Variants in ANKS1B observed in about 807,000 individuals in gnomAD.
ANKS1B encodes the protein ankyrin repeat and sterile alpha motif domain-containing protein 1B.
A neutral mutation model predicts 148.3 loss-of-function variants in ANKS1B; 36 were observed. The observed-to-expected ratio is 0.24, with a 90% CI of 0.19 to 0.32. ANKS1B has a LOEUF of 0.32. ANKS1B is among the 10% of genes least tolerant of loss of function. The probability of loss-of-function intolerance (pLI) is 1.00; values close to 1 mark genes in which losing one functional copy is unlikely to be tolerated. For synonymous variants in ANKS1B, 542 were observed against 560.8 expected, an observed-to-expected ratio of 0.97 and a Z score of 0.47; for missense variants, 1,157 against 1,542.6, an observed-to-expected ratio of 0.75 and a Z score of 4.19.
chr12:99,873,573 C>G (rs1224789001), intron 1 of ANKS1B, among the ~76,000 whole-genome samples: 1 of 152,156 alleles, frequency 6.6e-6, no homozygotes, highest in Non-Finnish European at 1.5e-5. Context: ...TATTCTGAGT[C>G]TTCTCTTCTC....
intron 12 of ANKS1B, among the ~76,000 whole-genome samples, chr12:99,382,831 G>A (rs2093698211): frequency 6.6e-6 from 1 of 151,632 alleles, no homozygotes; most frequent in Non-Finnish European, 1.5e-5. Flanking sequence ...TGTTCCAACT[G>A]ATTTTGATAC....
chr12:99,299,538 T>C (rs1173233431), intron 12 of ANKS1B, among the ~76,000 whole-genome samples: 1 of 152,208 alleles, frequency 6.6e-6, no homozygotes, highest in African/African-American at 2.4e-5. Context: ...ACAAATATAA[T>C]CACTTTTAAA....
intron 17 of ANKS1B, among the ~76,000 whole-genome samples, chr12:98,964,334 C>T (rs746612007): frequency 3.3e-5 from 5 of 152,164 alleles, no homozygotes; most frequent in South Asian, 2.1e-4. Context: ...AGGGAACTCT[C>T]GTACACTGTT....
intron 12 of ANKS1B, among the ~76,000 whole-genome samples, chr12:99,367,803 TG>T (rs1313476496): frequency 3.6e-5 from 5 of 137,848 alleles, no homozygotes; most frequent in African/African-American, 1.5e-4. Flanking sequence ...TGTGTGTGTG[TG>T]TGTTGTAAAA....
intron 17 of ANKS1B, among the ~76,000 whole-genome samples, chr12:98,881,439 T>C (rs2099707868): frequency 6.6e-6 from 1 of 152,202 alleles, no homozygotes; most frequent in Non-Finnish European, 1.5e-5. Flanking sequence ...CTTCCTGGTA[T>C]GCTGACTTGT....
intron 16 of ANKS1B, chr12:99,083,807 G>C (rs2050670239): frequency 6.6e-6 from 1 of 152,048 alleles, no homozygotes; most frequent in Admixed American, 6.6e-5. Flanking sequence ...GGGGCCTCCT[G>C]AAATGCCTTT....
rs978496096 is a variant in ANKS1B, at chr12:99,354,961, G to C, written c.1756+44670C>G. On this transcript the variant is annotated intron_variant, in intron 12 of 26. Transcript: ENST00000683438. ...AGCTTCTTTACAGAAAAAACACAAA[G>C]GCATTATAATGATGTGTGATGTCAA... 7.9e-5 allele frequency among the ~76,000 whole-genome samples: 12 copies of C among 152,002 alleles called. No individual in the cohort carries two copies. In the South Asian group the frequency reaches 1.0e-3, roughly 13 times the overall value.
At chr12:99,336,483 A>G (rs1039233799) in intron 12 of ANKS1B, among the ~76,000 whole-genome samples, 2 of 151,984 alleles carry the variant, frequency 1.3e-5, no homozygotes, top group Non-Finnish European at 2.9e-5. Context: ...ATTTTCTTGT[A>G]GTAGTTTCAT....
At chr12:99,061,879 C>T (rs986532151) in intron 16 of ANKS1B, among the ~76,000 whole-genome samples, 31 of 152,196 alleles carry the variant, frequency 2.0e-4, no homozygotes, top group African/African-American at 7.2e-4. Context: ...TGGCATTTCT[C>T]TGTCAATCAC....
intron 8 of ANKS1B, among the ~76,000 whole-genome samples, chr12:99,670,560 T>G (rs1370231367): frequency 6.6e-6 from 1 of 151,998 alleles, no homozygotes; most frequent in Non-Finnish European, 1.5e-5. Flanking sequence ...AACTCTAGGA[T>G]GAGGGAAGAA....
At chr12:99,345,822 G>A (rs748735456) in intron 12 of ANKS1B, among the ~76,000 whole-genome samples, 1 of 151,950 alleles carries the variant, frequency 6.6e-6, no homozygotes, top group Non-Finnish European at 1.5e-5. Flanking sequence ...GCCAAATGCT[G>A]TGGTTGGTAC....
intron 8 of ANKS1B, among the ~76,000 whole-genome samples, chr12:99,692,277 G>A (rs934643550): frequency 3.3e-5 from 5 of 152,138 alleles, no homozygotes; most frequent in African/African-American, 4.8e-5. Flanking sequence ...ATTGAAGAAG[G>A]CTGGGATAGT....
chr12:99,597,258 G>GAGAA (rs1296006274), intron 9 of ANKS1B, among the ~76,000 whole-genome samples: 3 of 151,600 alleles, frequency 2.0e-5, no homozygotes, highest in Non-Finnish European at 4.4e-5. Flanking sequence ...GAGGGAGAGA[G>GAGAA]AGAGAGAGAG....
rs77343355 is a variant in ANKS1B at position 99,391,098 on chromosome 12, G to A, written c.1756+8533C>T. 5.0e-4 allele frequency among the ~76,000 whole-genome samples: 76 copies of A among 152,050 alleles called. 1 individual carries two copies. The East Asian group carries it at 0.014, about 27-fold the overall frequency. The stretch of plus-strand genomic sequence containing the variant: ...GGCCCCATGTACCAGCCATTCATTC[G>A]TTAGGAGTTTGAACAAAAAGCTAAT... On this transcript the variant is annotated intron_variant, in intron 12 of 26. Transcript: ENST00000683438.
At chr12:99,924,266 G>C (rs1001661652) in intron 1 of ANKS1B, among the ~76,000 whole-genome samples, 2 of 152,138 alleles carry the variant, frequency 1.3e-5, no homozygotes, top group African/African-American at 4.8e-5. Flanking sequence ...TATAATGCAT[G>C]TCAGAAGCAC....
chr12:99,392,130 A>C (rs1400603029), intron 12 of ANKS1B, among the ~76,000 whole-genome samples: 1 of 152,186 alleles, frequency 6.6e-6, no homozygotes, highest in African/African-American at 2.4e-5. Flanking sequence ...TGGAGTTGAG[A>C]GGTCATCTCA....
At chr12:99,405,956 G>C (rs1567039625) in intron 11 of ANKS1B, among the ~76,000 whole-genome samples, 1 of 145,520 alleles carries the variant, frequency 6.9e-6, no homozygotes, top group South Asian at 2.1e-4. Context: ...ATTACATAAT[G>C]ATAAAGGGTG....
chr12:99,716,660 G>A (rs191811346), intron 8 of ANKS1B, among the ~76,000 whole-genome samples: 51 of 151,878 alleles, frequency 3.4e-4, no homozygotes, highest in Non-Finnish European at 5.7e-4. Flanking sequence ...ATGGGCAAAC[G>A]GTCTGAGGTG....
chr12:99,232,470 T>C (rs901896956), intron 14 of ANKS1B, among the ~76,000 whole-genome samples: 4 of 152,228 alleles, frequency 2.6e-5, no homozygotes, highest in African/African-American at 7.2e-5. Context: ...CCTTGTATTG[T>C]GAAGCCTGAG....
Sources: gnomAD v4.1 joint callset for allele counts (sites outside exome capture counted in the v4.1 genomes callset) on GRCh38, gnomAD v4.1.1 for gene constraint, MANE v1.5 for transcripts, NCBI Gene and HGNC (gene_info 2026-07-23, HGNC 2026-07-21) for gene names.